Variants in FGGY observed in about 807,000 individuals in gnomAD.
FGGY encodes the protein FGGY carbohydrate kinase domain-containing protein.
FGGY carries 72 observed loss-of-function variants against 71.3 expected under a neutral mutation model. The observed-to-expected ratio is 1.01, with a 90% CI of 0.84 to 1.23. The LOEUF (loss-of-function observed/expected upper bound fraction) is 1.23, where lower values mean the gene tolerates loss of function less well. Ranked by LOEUF, FGGY falls within the 50% of genes most tolerant of loss-of-function variation. FGGY has a pLI of 0.00. For missense variants in FGGY, 668 were observed against 682.3 expected (o/e 0.98, Z 0.23); for synonymous variants, 251 against 250.3 (o/e 1.00, Z -0.02).
intron 8 of FGGY, among the ~76,000 whole-genome samples, chr1:59,555,001 C>T (rs59394162): frequency 0.038 from 5,858 of 152,184 alleles, 181 homozygotes; most frequent in African/African-American, 0.084. Context: ...AGGGCAGAAC[C>T]AAAGCAGCTA....
chr1:59,433,579 C>T (rs2067820985), intron 5 of FGGY, among the ~76,000 whole-genome samples: 1 of 152,140 alleles, frequency 6.6e-6, no homozygotes, highest in South Asian at 2.1e-4. Flanking sequence ...CATGGTACCA[C>T]CTGGCAAAAT....
chr1:59,667,500 G>A lies in FGGY; in HGVS notation c.1417+97G>A, dbSNP rs762980578. 1.1e-5 allele frequency: 15 copies of A among 1,378,980 alleles called. No individual in the cohort carries two copies. The African/African-American group carries it at 1.2e-4, about 11-fold the overall frequency. The allele number at this position is 1,378,980 out of a possible 1,614,324, so 85.4% of individuals were successfully genotyped here. On this transcript the variant is annotated intron_variant, in intron 13 of 15. Transcript: ENST00000303721. Reference sequence around the variant, plus strand: ...GAAGTGAGAATAGGAGGATATATGCGGTATGCCAGATTATTAGAATAATCC... The same window carrying A: ...GAAGTGAGAATAGGAGGATATATGCAGTATGCCAGATTATTAGAATAATCC...
chr1:59,646,715 ATGT>A (rs971419959), intron 11 of FGGY, among the ~76,000 whole-genome samples: 2 of 152,106 alleles, frequency 1.3e-5, no homozygotes, highest in African/African-American at 4.8e-5. Context: ...GTGCAAGACA[ATGT>A]TGTTGTCCCA....
intron 14 of FGGY, among the ~76,000 whole-genome samples, chr1:59,704,430 C>T (rs2097736707): frequency 6.6e-6 from 1 of 152,074 alleles, no homozygotes; most frequent in Non-Finnish European, 1.5e-5. Context: ...CAAAAGTAAT[C>T]ACTATTATGC....
intron 4 of FGGY, among the ~76,000 whole-genome samples, chr1:59,367,667 A>G (rs2056811524): frequency 6.6e-6 from 1 of 152,092 alleles, no homozygotes; most frequent in East Asian, 1.9e-4. Flanking sequence ...TAGCTGCCTC[A>G]TTTCCCTCAC....
At chr1:59,512,067 T>C (rs1007767494) in intron 6 of FGGY, among the ~76,000 whole-genome samples, 1 of 152,216 alleles carries the variant, frequency 6.6e-6, no homozygotes, top group Non-Finnish European at 1.5e-5. Context: ...AGAATCTTTA[T>C]CTGGTTTGAA....
chr1:59,749,859 T>A (rs141631715), intron 14 of FGGY, among the ~76,000 whole-genome samples: 15 of 152,208 alleles, frequency 9.9e-5, no homozygotes, highest in Admixed American at 9.8e-4. Context: ...ATTATACAGC[T>A]AGTAAATGTA....
chr1:59,306,251 G>T (rs944134819), intron 1 of FGGY, among the ~76,000 whole-genome samples: 1 of 152,166 alleles, frequency 6.6e-6, no homozygotes. Context: ...ACTATCTAAA[G>T]ATGTGAGGAG....
intron 10 of FGGY, among the ~76,000 whole-genome samples, chr1:59,631,093 G>A (rs2096904520): frequency 6.6e-6 from 1 of 152,088 alleles, no homozygotes; most frequent in African/African-American, 2.4e-5. Context: ...GCAGCATGGG[G>A]CATCAGTGAT....
chr1:59,403,403 C>G (rs2153410581), intron 5 of FGGY, among the ~76,000 whole-genome samples: 1 of 152,232 alleles, frequency 6.6e-6, no homozygotes, highest in South Asian at 2.1e-4. Context: ...GGACACTGAG[C>G]AGAAAGCAGA....
At chr1:59,371,958 A>G (rs1472655080) in intron 4 of FGGY, among the ~76,000 whole-genome samples, 1 of 152,194 alleles carries the variant, frequency 6.6e-6, no homozygotes, top group Admixed American at 6.5e-5. Context: ...AGAAAGCAGG[A>G]AAGATCCAAA....
At position 59,376,328 on chromosome 1, in the gene FGGY, C is replaced by A. The variant is rs116868429; in HGVS notation, c.466-2421C>A. ...CTAGATGTTTAGGAAGTTAAAACAA[C>A]AACAGTAACAGAGAATCAGCTTGAT... On this transcript the variant is annotated intron_variant, in intron 4 of 15. Coordinates refer to ENST00000303721, the MANE Select transcript of FGGY (RefSeq NM_018291.5). Among the ~76,000 whole-genome samples, 47 of 152,284 alleles carry A rather than the reference C, an allele frequency of 3.1e-4. No homozygotes were observed. In the East Asian group the frequency reaches 8.3e-3, roughly 27 times the overall value.
chr1:59,534,415 T>C (rs1199140974), intron 7 of FGGY, among the ~76,000 whole-genome samples: 1 of 151,472 alleles, frequency 6.6e-6, no homozygotes, highest in Non-Finnish European at 1.5e-5. Flanking sequence ...CTGCAGGATA[T>C]TATCCAGGAG....
intron 4 of FGGY, among the ~76,000 whole-genome samples, chr1:59,346,650 G>A (rs1038497881): frequency 6.6e-6 from 1 of 152,146 alleles, no homozygotes; most frequent in Non-Finnish European, 1.5e-5. Context: ...ACCCTATGAA[G>A]TGTTTGTGTG....
chr1:59,519,101 C>T (rs1322759257), intron 7 of FGGY, among the ~76,000 whole-genome samples: 2 of 152,318 alleles, frequency 1.3e-5, no homozygotes, highest in East Asian at 3.9e-4. Flanking sequence ...TTGAGGCTCA[C>T]AAGACTACCT....
At chr1:59,594,227 C>G (rs1425726032) in intron 8 of FGGY, among the ~76,000 whole-genome samples, 3 of 152,110 alleles carry the variant, frequency 2.0e-5, no homozygotes, top group Non-Finnish European at 4.4e-5. Flanking sequence ...TGTATCTTAC[C>G]AGGATTAACC....
intron 7 of FGGY, among the ~76,000 whole-genome samples, chr1:59,551,667 A>T (rs2095610347): frequency 6.6e-6 from 1 of 152,182 alleles, no homozygotes; most frequent in African/African-American, 2.4e-5. Flanking sequence ...GAATCAGATT[A>T]CCTGAATGTG....
At chr1:59,403,184 T>G (rs1481858352) in intron 5 of FGGY, among the ~76,000 whole-genome samples, 1 of 152,150 alleles carries the variant, frequency 6.6e-6, no homozygotes, top group Admixed American at 6.5e-5. Flanking sequence ...GTTTGACAAG[T>G]GCTTTTTGAG....
At chr1:59,557,329 A>G (rs1464943214) in intron 8 of FGGY, among the ~76,000 whole-genome samples, 1 of 152,192 alleles carries the variant, frequency 6.6e-6, no homozygotes, top group Non-Finnish European at 1.5e-5. Context: ...GATGTTTCCA[A>G]TTTAGTAGAT....
Sources: allele counts gnomAD v4.1 joint callset (sites outside exome capture counted in the v4.1 genomes callset), GRCh38; gene constraint gnomAD v4.1.1; transcripts MANE v1.5; gene names NCBI Gene and HGNC (gene_info 2026-07-23, HGNC 2026-07-21).